Variants in RPN2 observed in about 807,000 individuals in gnomAD.
RPN2 encodes the protein dolichyl-diphosphooligosaccharide--protein glycosyltransferase subunit 2.
A neutral mutation model predicts 71.4 loss-of-function variants in RPN2; 29 were observed. The ratio of observed to expected loss-of-function variants is 0.41; its 90% confidence interval spans 0.30 to 0.55. The LOEUF (loss-of-function observed/expected upper bound fraction) is 0.55, where lower values mean the gene tolerates loss of function less well. RPN2 is among the 20% of genes least tolerant of loss of function. RPN2 has a pLI of 0.35. For synonymous variants in RPN2, 308 were observed against 305.0 expected, an observed-to-expected ratio of 1.01 and a Z score of -0.10; for missense variants, 726 against 774.1, an observed-to-expected ratio of 0.94 and a Z score of 0.74.
intron 5 of RPN2, among the ~76,000 whole-genome samples, chr20:37,204,181 C>T (rs1005677191): frequency 6.6e-6 from 1 of 152,180 alleles, no homozygotes; most frequent in Non-Finnish European, 1.5e-5. Flanking sequence ...TTTATTATTG[C>T]TCTATCCTTG....
intron 2 of RPN2, among the ~76,000 whole-genome samples, chr20:37,196,426 G>A (rs1180599032): frequency 6.6e-6 from 1 of 152,138 alleles, no homozygotes; most frequent in Non-Finnish European, 1.5e-5. Flanking sequence ...GTAGAGATGG[G>A]GTTTCACCGT....
rs111809445 is a variant in RPN2, at chr20:37,203,884, G to C, written c.480-1G>C. On this transcript the variant is annotated splice_acceptor_variant, in intron 4 of 16. Coordinates refer to ENST00000237530, the MANE Select transcript of RPN2 (RefSeq NM_002951.5). LOFTEE classifies it high-confidence loss of function. The stretch of plus-strand genomic sequence containing the variant: ...TTGGGGTTCTACTCTTTACCTTCCA[G>C]AACAGTCCAGGCTCTGCAGACAGCA... 6.2e-7 allele frequency: 1 copy of C among 1,612,974 alleles called. No individual in the cohort carries two copies. Among genetic ancestry groups the C allele is most frequent in the Non-Finnish European group, 8.5e-7 (1 of 1,178,898 alleles).
chr20:37,181,391 A>T (rs562712908), intron 1 of RPN2, among the ~76,000 whole-genome samples: 1 of 151,156 alleles, frequency 6.6e-6, no homozygotes, highest in Non-Finnish European at 1.5e-5. Context: ...GTATGTGTAC[A>T]TACTCCTGAT....
intron 4 of RPN2, chr20:37,200,516 T>A (rs767164840): frequency 1.9e-6 from 1 of 527,858 alleles, no homozygotes; most frequent in Admixed American, 2.0e-5. Flanking sequence ...CAAATCCCCC[T>A]TTCAAAACAG....
chr20:37,180,076 G>A (rs1325903268), intron 1 of RPN2, among the ~76,000 whole-genome samples: 1 of 152,204 alleles, frequency 6.6e-6, no homozygotes, highest in African/African-American at 2.4e-5. Context: ...TTACTGAGTA[G>A]ACGCTGTGCA....
At chr20:37,182,638 G>A (rs1076687) in intron 1 of RPN2, among the ~76,000 whole-genome samples, 57,786 of 151,746 alleles carry the variant, frequency 0.38, 12,057 homozygotes, top group African/African-American at 0.54. Context: ...TCAAGCATCC[G>A]CCTGCCTCAG....
chr20:37,222,584 A>C (rs1165425483), intron 9 of RPN2, among the ~76,000 whole-genome samples: 1 of 152,198 alleles, frequency 6.6e-6, no homozygotes, highest in Admixed American at 6.5e-5. Flanking sequence ...GTATTTCAGA[A>C]AACTGCCAGA....
intron 4 of RPN2, among the ~76,000 whole-genome samples, chr20:37,199,507 C>T (rs116824535): frequency 1.3e-5 from 2 of 152,270 alleles, no homozygotes; most frequent in African/African-American, 4.8e-5. Flanking sequence ...GATCCAGTTG[C>T]CTTGTGCGGT....
chr20:37,237,860 T>C (rs2068443236), intron 16 of RPN2, among the ~76,000 whole-genome samples: 2 of 152,132 alleles, frequency 1.3e-5, no homozygotes, highest in African/African-American at 4.8e-5. Flanking sequence ...AAGACTGCTC[T>C]GCTAAGTTCT....
chr20:37,223,680 G>A (rs1468541541), intron 9 of RPN2, among the ~76,000 whole-genome samples, 198 bp from the exon 10 acceptor site: 1 of 146,530 alleles, frequency 6.8e-6, no homozygotes, highest in Non-Finnish European at 1.5e-5. Context: ...GCCAGAAAAA[G>A]ACATTTTAGG....
Position 37,223,874 on chromosome 20 carries a change from C to T in RPN2, c.1093-4C>T. 6.2e-7 allele frequency: 1 copy of T among 1,613,512 alleles called. No individual in the cohort carries two copies. Among genetic ancestry groups the T allele is most frequent in the South Asian group, 1.1e-5 (1 of 91,054 alleles). On this transcript the variant is annotated splice_region_variant and splice_polypyrimidine_tract_variant and intron_variant, in intron 9 of 16. Transcript: ENST00000237530. Reference sequence around the variant, plus strand: ...TGGCAACTGTCTTCTCTATTTTCCTCTAGCTCAGAGTCAAGATCTCCACTG... The same window carrying T: ...TGGCAACTGTCTTCTCTATTTTCCTTTAGCTCAGAGTCAAGATCTCCACTG...
chr20:37,203,964 T>G lies in RPN2; in HGVS notation c.555+4T>G. 4 of 1,610,190 alleles carry G rather than the reference T, an allele frequency of 2.5e-6. No individual in the cohort carries two copies. Among genetic ancestry groups the G allele is most frequent in the Non-Finnish European group, 2.5e-6 (3 of 1,176,560 alleles). The stretch of plus-strand genomic sequence containing the variant: ...GAGCATCGTGGAGGAGATTGAGGTG[T>G]GAATCTTTTGCCAAATGCATCTCCC... On this transcript the variant is annotated splice_donor_region_variant and intron_variant, in intron 5 of 16. Transcript: ENST00000237530.
rs556409398 is a variant in RPN2, at chr20:37,224,535, A to G, written c.1184+566A>G. Among the ~76,000 whole-genome samples, 18 of 152,304 alleles carry G rather than the reference A, an allele frequency of 1.2e-4. No homozygotes were observed. In the South Asian group the frequency reaches 3.3e-3, roughly 28 times the overall value. ...CAAGTCCATGGAGGCAGTACTAAGA[A>G]GTCATAGAACATTTGCTCCCACTGA... is the stretch of plus-strand genomic sequence containing the variant. On this transcript the variant is annotated intron_variant, in intron 10 of 16. Coordinates refer to ENST00000237530, the MANE Select transcript of RPN2 (RefSeq NM_002951.5).
intron 2 of RPN2, among the ~76,000 whole-genome samples, chr20:37,194,255 ATTGTTGTTG>A (rs71843863): frequency 4.7e-5 from 7 of 150,080 alleles, no homozygotes; most frequent in Admixed American, 1.3e-4. Flanking sequence ...GTTGAGGGAA[ATTGTTGTTG>A]TTGTTGTTGT....
intron 10 of RPN2, among the ~76,000 whole-genome samples, chr20:37,225,153 T>A: frequency 6.6e-6 from 1 of 152,154 alleles, no homozygotes; most frequent in East Asian, 1.9e-4. Flanking sequence ...AATGACTTTT[T>A]AAAACCCAGT....
At chr20:37,234,242 A>G (rs1374856677) in intron 15 of RPN2, 147 bp downstream of exon 15, 4 of 819,226 alleles carry the variant, frequency 4.9e-6, no homozygotes, top group East Asian at 2.7e-5. Context: ...CTTTTAGGAC[A>G]GTTAATACGA....
At chr20:37,188,472 C>G (rs970543816) in intron 2 of RPN2, among the ~76,000 whole-genome samples, 1 of 151,910 alleles carries the variant, frequency 6.6e-6, no homozygotes, top group African/African-American at 2.4e-5. Context: ...ACTTTTTAAC[C>G]TTCTTTCAAG....
At chr20:37,225,658 C>G in intron 10 of RPN2, 30 bp from the exon 11 acceptor site, 1 of 1,450,644 alleles carries the variant, frequency 6.9e-7, no homozygotes, top group Non-Finnish European at 9.7e-7. Context: ...CTGATCCTCT[C>G]TGAAGACTAA....
At chr20:37,210,451 G>C (rs1026345114) in intron 8 of RPN2, among the ~76,000 whole-genome samples, 5 of 151,430 alleles carry the variant, frequency 3.3e-5, no homozygotes, top group Admixed American at 6.6e-5. Context: ...GTTTATTATA[G>C]GAAAAATACA....
Sources: gnomAD v4.1 joint callset for allele counts (sites outside exome capture counted in the v4.1 genomes callset) on GRCh38, gnomAD v4.1.1 for gene constraint, MANE v1.5 for transcripts, NCBI Gene and HGNC (gene_info 2026-07-23, HGNC 2026-07-21) for gene names.